DNM2: variants seen among roughly 807,000 people sequenced by gnomAD.
The protein encoded by DNM2 is dynamin 2, also known as dynamin-2.
Under a neutral mutation model 99.0 loss-of-function variants are expected in DNM2, and 15 were observed. The ratio of observed to expected loss-of-function variants is 0.15; its 90% CI spans 0.10 to 0.23. The LOEUF (loss-of-function observed/expected upper bound fraction) is 0.23, where lower values mean the gene tolerates loss of function less well. Ranked by LOEUF, DNM2 falls within the 10% of genes least tolerant of loss-of-function variation. The pLI, the probability that DNM2 is intolerant of heterozygous loss-of-function variation, is 1.00. For synonymous variants in DNM2, 525 were observed against 481.2 expected, an observed-to-expected ratio of 1.09 and a Z score of -1.19; for missense variants, 742 against 1,189.4, an observed-to-expected ratio of 0.62 and a Z score of 5.53.
intron 2 of DNM2, among the ~76,000 whole-genome samples, chr19:10,760,025 A>G (rs2145856515): frequency 6.6e-6 from 1 of 151,960 alleles, no homozygotes; most frequent in South Asian, 2.1e-4. Context: ...GCCAGGTGCC[A>G]TGTGTGCTTT....
chr19:10,741,419 G>A (rs2069742357), intron 1 of DNM2, among the ~76,000 whole-genome samples: 1 of 151,846 alleles, frequency 6.6e-6, no homozygotes, highest in African/African-American at 2.4e-5. Context: ...TCTAGAGGTA[G>A]GGTCTTGCTA....
At chr19:10,784,848 G>A (rs1478252443) in intron 6 of DNM2, among the ~76,000 whole-genome samples, 2 of 96,188 alleles carry the variant, frequency 2.1e-5, no homozygotes, top group Non-Finnish European at 3.8e-5. Flanking sequence ...TTTTGAGACA[G>A]AGCCTCACTC....
chr19:10,745,507 C>T (rs1188417117), intron 1 of DNM2, among the ~76,000 whole-genome samples: 1 of 152,094 alleles, frequency 6.6e-6, no homozygotes, highest in Non-Finnish European at 1.5e-5. Flanking sequence ...GGAGGATCGC[C>T]TAGGCAGCAT....
chr19:10,741,210 G>A (rs530731409), intron 1 of DNM2, among the ~76,000 whole-genome samples: 250 of 152,176 alleles, frequency 1.6e-3, no homozygotes, highest in Non-Finnish European at 2.8e-3. Flanking sequence ...GGGTATTGAA[G>A]TCTCCAACTT....
chr19:10,742,288 T>A (rs1161825142), intron 1 of DNM2, among the ~76,000 whole-genome samples: 1 of 152,320 alleles, frequency 6.6e-6, no homozygotes, highest in East Asian at 1.9e-4. Flanking sequence ...CAGGAAAGGC[T>A]GTGCCAAGGC....
At chr19:10,752,233 T>C (rs767164750) in intron 1 of DNM2, among the ~76,000 whole-genome samples, 2 of 152,002 alleles carry the variant, frequency 1.3e-5, no homozygotes, top group African/African-American at 2.4e-5. Flanking sequence ...GAAAAAAGAG[T>C]GTGTATGTGT....
At chr19:10,759,717 G>C in intron 1 of DNM2, 21 bp from the exon 2 acceptor site, 1 of 1,614,026 alleles carries the variant, frequency 6.2e-7, no homozygotes, top group South Asian at 1.1e-5. Flanking sequence ...AGTAATTTCT[G>C]TCCCTCTCCC....
rs745381074 is a variant in DNM2, at chr19:10,831,206, G to A, written c.*159G>A. On this transcript the variant is annotated 3_prime_UTR_variant, in exon 21 of 21. Transcript: ENST00000389253. This position sits in a 1 kb window ranked among gnomAD's most constrained non-coding sequence, Gnocchi z 4.3. ...TGGCCCCGGTCCAGGGCCGGCCCCT[G>A]TGCCTGGCTGGACACCGCACTGCGC... 11 of 1,394,002 alleles carry A rather than the reference G, an allele frequency of 7.9e-6. No individual in the cohort carries two copies. The highest frequency in any genetic ancestry group is 9.3e-6 in the Non-Finnish European group (10 of 1,078,372). The allele number at this position is 1,394,002 out of a possible 1,614,324, so 86.4% of individuals were successfully genotyped here. A position where few individuals can be genotyped will look rare whatever the true frequency, so the allele number is the denominator to read the frequency against.
At chr19:10,770,899 C>G (rs1011200419) in intron 2 of DNM2, among the ~76,000 whole-genome samples, 1 of 152,182 alleles carries the variant, frequency 6.6e-6, no homozygotes, top group African/African-American at 2.4e-5. Context: ...GACACAGAGC[C>G]AGACCATATC....
chr19:10,753,732 T>A (rs2070284901), intron 1 of DNM2, among the ~76,000 whole-genome samples: 1 of 151,518 alleles, frequency 6.6e-6, no homozygotes, highest in African/African-American at 2.4e-5. Flanking sequence ...TCTCAGCTCA[T>A]TCCAACCTCT....
chr19:10,747,301 A>T (rs1165883938), intron 1 of DNM2, among the ~76,000 whole-genome samples: 2 of 152,106 alleles, frequency 1.3e-5, no homozygotes, highest in African/African-American at 4.8e-5. Flanking sequence ...TGAGGCACAA[A>T]GAGGTTACCT....
Position 10,803,461 on chromosome 19 carries a change from C to T in DNM2, c.1493+1103C>T, listed in dbSNP as rs114454528. Among the ~76,000 whole-genome samples, 571 of 152,314 alleles carry T rather than the reference C, an allele frequency of 3.7e-3. 3 individuals carry two copies. The highest frequency in any genetic ancestry group is 0.013 in the African/African-American group (522 of 41,570). On this transcript the variant is annotated intron_variant, in intron 12 of 20. Transcript: ENST00000389253. ...GTGGCAGCCCCCGGCCCTGTGCTCC[C>T]GGCCGCCGGGTGTGTGTGGGCTCAC...
intron 14 of DNM2, chr19:10,810,190 T>G (rs1020230586): frequency 6.5e-6 from 1 of 153,940 alleles, no homozygotes; most frequent in African/African-American, 2.4e-5. Context: ...CTGCCTGCCC[T>G]GCCACCCATA....
At chr19:10,780,445 C>G (rs556244842) in intron 5 of DNM2, 1 of 152,572 alleles carries the variant, frequency 6.6e-6, no homozygotes, top group Non-Finnish European at 1.5e-5. Context: ...TGGGCCTCTT[C>G]CCCTTCCTCC....
At position 10,805,850 on chromosome 19, in the gene DNM2, C is replaced by G. The variant is rs532738060; in HGVS notation, c.1494-66C>G. The G allele has an allele frequency of 1.1e-5, 17 of 1,607,094 alleles. No individual in the cohort carries two copies. In the East Asian group the frequency reaches 2.9e-4, roughly 27 times the overall value. On this transcript the variant is annotated intron_variant, in intron 12 of 20. Transcript: ENST00000389253. Reference sequence around the variant, plus strand: ...TCCCCAGGGAGAGAACGGCCACATTCGCCTCTTCCCCTTCTTCCCCCCCGG... The same window carrying G: ...TCCCCAGGGAGAGAACGGCCACATTGGCCTCTTCCCCTTCTTCCCCCCCGG...
chr19:10,778,916 A>T (rs1368641221), intron 5 of DNM2, among the ~76,000 whole-genome samples: 1 of 152,008 alleles, frequency 6.6e-6, no homozygotes, highest in African/African-American at 2.4e-5. Context: ...TTATTTTAAA[A>T]ATATTTTAAA....
intron 7 of DNM2, among the ~76,000 whole-genome samples, chr19:10,792,905 G>GTA (rs989200090): frequency 1.4e-4 from 21 of 151,744 alleles, no homozygotes; most frequent in African/African-American, 4.8e-4. Context: ...ACCGTGTCCA[G>GTA]TATATATATA....
chr19:10,822,783 G>A (rs1166925590), intron 16 of DNM2, among the ~76,000 whole-genome samples: 1 of 149,330 alleles, frequency 6.7e-6, no homozygotes, highest in Non-Finnish European at 1.5e-5. Context: ...ACAGGCGTGA[G>A]CCACTGTGCC....
At chr19:10,737,923 G>A (rs1257318722) in intron 1 of DNM2, among the ~76,000 whole-genome samples, 1 of 152,164 alleles carries the variant, frequency 6.6e-6, no homozygotes, top group Non-Finnish European at 1.5e-5. Context: ...TCTCCCTCTC[G>A]GGATGCACTC....
Sources: allele counts gnomAD v4.1 joint callset (sites outside exome capture counted in the v4.1 genomes callset), GRCh38; gene constraint gnomAD v4.1.1; non-coding constraint Gnocchi (gnomAD v3.1); transcripts MANE v1.5; gene names NCBI Gene and HGNC (gene_info 2026-07-23, HGNC 2026-07-21).